The following ATR variants were observed in gnomAD, a reference collection of about 807,000 sequenced individuals.
ATR encodes the protein serine/threonine-protein kinase ATR.
In ATR, 142 loss-of-function variants were observed where a neutral mutation model predicts 305.3. That is an observed-to-expected ratio of 0.47 (90% CI 0.41 to 0.53). The LOEUF (loss-of-function observed/expected upper bound fraction) is 0.53, where lower values mean the gene tolerates loss of function less well. ATR is among the 20% of genes least tolerant of loss of function. ATR has a pLI of 0.00. For missense variants in ATR, 2,135 were observed against 3,133.1 expected (o/e 0.68, Z 7.60); for synonymous variants, 1,050 against 1,068.1 (o/e 0.98, Z 0.33).
At chr3:142,568,249 G>C (rs1471517915) in intron 1 of ATR, 95 bp from the exon 2 acceptor site, 2 of 883,196 alleles carry the variant, frequency 2.3e-6, no homozygotes, top group Non-Finnish European at 3.7e-6. Flanking sequence ...AATGTGTTCA[G>C]TGTCAATGTT....
chr3:142,508,255 G>C, intron 27 of ATR, 146 bp from the exon 28 acceptor site: 2 of 699,130 alleles, frequency 2.9e-6, no homozygotes, highest in South Asian at 4.4e-5. Context: ...ACTAACAACA[G>C]AACAATTGTT....
intron 36 of ATR, among the ~76,000 whole-genome samples, chr3:142,480,138 G>A (rs139001258): frequency 6.6e-5 from 10 of 152,302 alleles, no homozygotes; most frequent in South Asian, 2.1e-4. Context: ...GAGGAGCTGC[G>A]TTCCTTTGGA....
At chr3:142,472,243 T>C (rs541080222) in intron 36 of ATR, 10 of 152,278 alleles carry the variant, frequency 6.6e-5, no homozygotes, top group African/African-American at 1.9e-4. Flanking sequence ...AGTGCAGATA[T>C]CTCTTCAACA....
Position 142,523,990 on chromosome 3 carries a change from T to C in ATR, c.4152+3A>G. 6.2e-7 allele frequency: 1 copy of C among 1,613,338 alleles called. No individual in the cohort carries two copies. The highest frequency in any genetic ancestry group is 8.5e-7 in the Non-Finnish European group (1 of 1,179,342). On this transcript the variant is annotated splice_donor_region_variant and intron_variant, in intron 22 of 46. Transcript: ENST00000350721. Reference sequence around the variant, plus strand: ...TTTGTCATTCCAAATTTCCACTACTTACCACAAATGTAAAATCTTTTCCTT... The same window carrying C: ...TTTGTCATTCCAAATTTCCACTACTCACCACAAATGTAAAATCTTTTCCTT...
rs570826586 is a variant in ATR, at chr3:142,578,025, GTCTATCTC to G, written c.59+613_59+620del. ...ACGCTGAGATTTTGTGGACCCAGGG[GTCTATCTC>G]TCCAATTTCTGACTAAAATAACGGA... is the stretch of plus-strand genomic sequence containing the variant. On this transcript the variant is annotated intron_variant, in intron 1 of 46. Coordinates refer to ENST00000350721, the MANE Select transcript of ATR (RefSeq NM_001184.4). Among the ~76,000 whole-genome samples, 156 of 152,278 alleles carry G rather than the reference GTCTATCTC, an allele frequency of 1.0e-3. 1 individual carries two copies. Among genetic ancestry groups the G allele is most frequent in the African/African-American group, 3.6e-3 (148 of 41,558 alleles).
rs779195656 is a variant in ATR, at chr3:142,450,633, C to T, written c.7762-1031G>A. On this transcript the variant is annotated intron_variant, in intron 46 of 46. Coordinates refer to ENST00000350721, the MANE Select transcript of ATR (RefSeq NM_001184.4). ...GAAAAGGTGGATATGGAAGAGTATA[C>T]AAGGTCAGGAATAAATTAGATGGTC... 1.9e-6 allele frequency: 3 copies of T among 1,607,006 alleles called. No individual in the cohort carries two copies. In the East Asian group the frequency reaches 6.7e-5, roughly 36 times the overall value.
At chr3:142,535,884 T>G (rs2033838890) in intron 20 of ATR, among the ~76,000 whole-genome samples, 1 of 152,218 alleles carries the variant, frequency 6.6e-6, no homozygotes, top group Non-Finnish European at 1.5e-5. Flanking sequence ...TATTTTTTGC[T>G]CTCTGTTCTA....
intron 24 of ATR, 55 bp downstream of exon 24, chr3:142,519,614 A>T: frequency 6.8e-7 from 1 of 1,472,344 alleles, no homozygotes; most frequent in Non-Finnish European, 9.4e-7. Flanking sequence ...AAATCGCATT[A>T]TTTTTATATA....
intron 1 of ATR, among the ~76,000 whole-genome samples, chr3:142,573,767 C>T (rs1332794589): frequency 6.6e-6 from 1 of 152,072 alleles, no homozygotes; most frequent in Non-Finnish European, 1.5e-5. Context: ...TTTTCTGGTA[C>T]TAAGTCTTTG....
At chr3:142,571,823 G>C (rs532195988) in intron 1 of ATR, among the ~76,000 whole-genome samples, 1 of 151,860 alleles carries the variant, frequency 6.6e-6, no homozygotes, top group African/African-American at 2.4e-5. Context: ...AGTGCAGTTA[G>C]TGGCACGATC....
chr3:142,549,821 AC>A, intron 14 of ATR, 148 bp from the exon 15 acceptor site: 1 of 769,946 alleles, frequency 1.3e-6, no homozygotes. Context: ...GATCATTTAT[AC>A]CACTATAATT....
intron 1 of ATR, among the ~76,000 whole-genome samples, chr3:142,574,241 G>C (rs1406510936): frequency 6.6e-6 from 1 of 152,042 alleles, no homozygotes; most frequent in East Asian, 1.9e-4. Flanking sequence ...GAGGTGGGCG[G>C]ATCACTTGAG....
intron 21 of ATR, among the ~76,000 whole-genome samples, chr3:142,531,740 G>A (rs1284556410): frequency 6.6e-6 from 1 of 152,180 alleles, no homozygotes; most frequent in East Asian, 1.9e-4. Context: ...CTTTATAGCA[G>A]CATGTTTTAT....
intron 2 of ATR, among the ~76,000 whole-genome samples, chr3:142,567,243 A>G (rs2035105724): frequency 6.6e-6 from 1 of 152,202 alleles, no homozygotes; most frequent in African/African-American, 2.4e-5. Context: ...AACAGCACTA[A>G]TCCAGAATAA....
At chr3:142,513,749 A>G in intron 25 of ATR, 111 bp from the exon 26 acceptor site, 1 of 1,162,374 alleles carries the variant, frequency 8.6e-7, no homozygotes. Context: ...TTAAATTTAA[A>G]AAGTTTTTTA....
At chr3:142,515,226 T>C (rs986612101) in intron 25 of ATR, among the ~76,000 whole-genome samples, 169 bp downstream of exon 25, 3 of 152,202 alleles carry the variant, frequency 2.0e-5, no homozygotes, top group Non-Finnish European at 4.4e-5. Context: ...CTATTATTAG[T>C]AACTACAGAG....
intron 36 of ATR, among the ~76,000 whole-genome samples, chr3:142,477,164 T>A (rs1330043409): frequency 6.6e-6 from 1 of 152,214 alleles, no homozygotes; most frequent in Non-Finnish European, 1.5e-5. Context: ...GGCATCCCTG[T>A]CTTATGCCAG....
chr3:142,450,141 C>A (rs1054661013), intron 46 of ATR: 1 of 365,546 alleles, frequency 2.7e-6, no homozygotes, highest in Non-Finnish European at 5.1e-6. Context: ...AAGAGGAGGG[C>A]CACGGGGTGG....
intron 34 of ATR, among the ~76,000 whole-genome samples, 178 bp from the exon 35 acceptor site, chr3:142,493,489 CATTT>C (rs1341012050): frequency 6.6e-6 from 1 of 152,172 alleles, no homozygotes; most frequent in African/African-American, 2.4e-5. Context: ...CTCATTCATT[CATTT>C]ACTAATTAAT....
Sources: allele counts gnomAD v4.1 joint callset (sites outside exome capture counted in the v4.1 genomes callset), GRCh38; gene constraint gnomAD v4.1.1; transcripts MANE v1.5; gene names NCBI Gene and HGNC (gene_info 2026-07-23, HGNC 2026-07-21).